Variants in EFNB2 observed in about 807,000 individuals in gnomAD.
The protein encoded by EFNB2 is ephrin B2, also known as ephrin-B2.
In EFNB2, 5 loss-of-function variants were observed where a neutral mutation model predicts 32.1. The observed-to-expected ratio is 0.16, with a 90% CI of 0.08 to 0.33. The LOEUF is 0.33. Among genes scored for constraint, EFNB2 ranks in the 10% least tolerant of loss-of-function variants. The pLI is 1.00. For missense variants in EFNB2, 263 were observed against 422.6 expected, an observed-to-expected ratio of 0.62 and a Z score of 3.31; for synonymous variants, 168 against 166.5, an observed-to-expected ratio of 1.01 and a Z score of -0.07.
At chr13:106,514,485 C>T in intron 1 of EFNB2, among the ~76,000 whole-genome samples, 1 of 152,174 alleles carries the variant, frequency 6.6e-6, no homozygotes, top group East Asian at 1.9e-4. Flanking sequence ...ATTTCTTTAT[C>T]TCCCCCAGCC....
chr13:106,509,790 G>T (rs929520903), intron 2 of EFNB2: 1 of 152,156 alleles, frequency 6.6e-6, no homozygotes, highest in Non-Finnish European at 1.5e-5. Flanking sequence ...TTTAACATTT[G>T]TTCTCTGCAT....
intron 1 of EFNB2, among the ~76,000 whole-genome samples, chr13:106,532,763 G>A (rs1879918833): frequency 6.7e-6 from 1 of 148,214 alleles, no homozygotes; most frequent in Non-Finnish European, 1.5e-5. Flanking sequence ...TTCCAGAAAC[G>A]CAGGGCCCTC....
At chr13:106,526,476 T>G (rs1248344840) in intron 1 of EFNB2, among the ~76,000 whole-genome samples, 1 of 152,118 alleles carries the variant, frequency 6.6e-6, no homozygotes, top group East Asian at 1.9e-4. Context: ...AGAAAAGACT[T>G]AAAGAGATCA....
At chr13:106,527,321 T>TTTA (rs1300459133) in intron 1 of EFNB2, among the ~76,000 whole-genome samples, 2 of 151,286 alleles carry the variant, frequency 1.3e-5, no homozygotes, top group Non-Finnish European at 2.9e-5. Context: ...ATAAATAAAT[T>TTTA]AAGTATGGCA....
chr13:106,496,236 C>A (rs1001910429), intron 2 of EFNB2, among the ~76,000 whole-genome samples: 7 of 152,126 alleles, frequency 4.6e-5, no homozygotes, highest in Admixed American at 3.3e-4. Context: ...ATCATCCCCC[C>A]ACACCTGCTT....
chr13:106,506,873 G>A (rs1878970078), intron 2 of EFNB2, among the ~76,000 whole-genome samples: 2 of 152,194 alleles, frequency 1.3e-5, no homozygotes, highest in African/African-American at 2.4e-5. Flanking sequence ...GAGGCAGACA[G>A]GGGTTAAGTT....
In EFNB2 at chr13:106,493,070, C is replaced by T; in HGVS notation, c.972G>A (p.Gln324=). Residue 324 remains glutamine (Q), a synonymous_variant, in exon 5 of 5, where the codon CAG becomes CAA. Coordinates refer to ENST00000646441, the MANE Select transcript of EFNB2 (RefSeq NM_004093.4). This position sits in a 1 kb window ranked among gnomAD's most constrained non-coding sequence, Gnocchi z 6.1. ...CCTTGTAGTAAATGTTCGCCGGGCT[C>T]TGCGGGGGCATCTCCTGGACGATGT... ...PVYIVQEMPP[Q]SPANIYYKV is the part of the protein sequence containing the mutation. 1 of 1,613,342 alleles carries T rather than the reference C, an allele frequency of 6.2e-7. No homozygotes were observed. The highest frequency in any genetic ancestry group is 8.5e-7 in the Non-Finnish European group (1 of 1,179,620).
At chr13:106,533,511 G>T (rs1439074117) in intron 1 of EFNB2, among the ~76,000 whole-genome samples, 2 of 152,214 alleles carry the variant, frequency 1.3e-5, no homozygotes, top group Non-Finnish European at 2.9e-5. Context: ...GTGCCTTCTA[G>T]CATCATACAA....
intron 2 of EFNB2, among the ~76,000 whole-genome samples, chr13:106,505,365 G>A (rs1878917077): frequency 6.6e-6 from 1 of 152,194 alleles, no homozygotes; most frequent in South Asian, 2.1e-4. Context: ...CCTGGACTGA[G>A]TTTTGTTTCT....
chr13:106,525,772 T>TAG (rs1317188634), intron 1 of EFNB2, among the ~76,000 whole-genome samples: 1 of 152,168 alleles, frequency 6.6e-6, no homozygotes, highest in East Asian at 1.9e-4. Context: ...CTACAGGACT[T>TAG]AGACTTTAAA....
intron 2 of EFNB2, among the ~76,000 whole-genome samples, chr13:106,501,931 T>C (rs1566456454): frequency 6.6e-6 from 1 of 152,154 alleles, no homozygotes; most frequent in Non-Finnish European, 1.5e-5. Context: ...CTTAGCAAAG[T>C]TAATTTAAAC....
At chr13:106,495,651 A>C in intron 3 of EFNB2, 97 bp downstream of exon 3, 2 of 1,169,976 alleles carry the variant, frequency 1.7e-6, no homozygotes, top group South Asian at 1.4e-5. Context: ...ACTAAAAAGA[A>C]GAGCGAATGA....
At chr13:106,509,629 G>C (rs759399030) in intron 2 of EFNB2, among the ~76,000 whole-genome samples, 30 of 13,028 alleles carry the variant, frequency 2.3e-3, no homozygotes, top group Middle Eastern at 0.022. Flanking sequence ...GAGCTTGACT[G>C]TGTGTGTGTG....
chr13:106,515,069 T>G (rs1879268465), intron 1 of EFNB2, among the ~76,000 whole-genome samples: 1 of 152,118 alleles, frequency 6.6e-6, no homozygotes, highest in South Asian at 2.1e-4. Context: ...TAACTAAAGA[T>G]TCACAGGAGG....
At position 106,493,378 on chromosome 13, in the gene EFNB2, C is replaced by T. The variant is rs750087469; in HGVS notation, c.664G>A (p.Gly222Ser). Reference sequence around the variant, plus strand: ...CCTGCAAATAAGGCCACTTCGGAACCGAGGATGTTGTTCCCCGAATGTCCG... The same window carrying T: ...CCTGCAAATAAGGCCACTTCGGAACTGAGGATGTTGTTCCCCGAATGTCCG... Reference protein sequence around the residue: ...SAGHSGNNILGSEVALFAGIA... With the variant: ...SAGHSGNNILSSEVALFAGIA... The change falls in exon 5 of 5, where the codon GGT becomes AGT. Residue 222 changes from glycine to serine, a missense_variant. By Grantham distance (56) the Gly-to-Ser change is moderately conservative. Coordinates refer to ENST00000646441, the MANE Select transcript of EFNB2 (RefSeq NM_004093.4). The surrounding 1 kb of genome is among the most constrained non-coding windows in gnomAD (Gnocchi z 6.1). The T allele has an allele frequency of 1.2e-5, 19 of 1,614,076 alleles. No individual in the cohort carries two copies. Among genetic ancestry groups the T allele is most frequent in the South Asian group, 7.7e-5 (7 of 91,078 alleles).
At chr13:106,523,035 A>C (rs1879578149) in intron 1 of EFNB2, among the ~76,000 whole-genome samples, 1 of 152,200 alleles carries the variant, frequency 6.6e-6, no homozygotes, top group South Asian at 2.1e-4. Flanking sequence ...GCTGTGTGCA[A>C]TTGCTTTACA....
At chr13:106,532,849 C>A (rs1879925779) in intron 1 of EFNB2, among the ~76,000 whole-genome samples, 2 of 150,742 alleles carry the variant, frequency 1.3e-5, no homozygotes, top group South Asian at 4.2e-4. Flanking sequence ...GAGTACCTGT[C>A]ACCTCCCCCC....
chr13:106,531,581 T>C (rs1229159101), intron 1 of EFNB2, among the ~76,000 whole-genome samples: 1 of 152,230 alleles, frequency 6.6e-6, no homozygotes, highest in Non-Finnish European at 1.5e-5. Context: ...CTGGCTTATA[T>C]ATGTTATTGA....
At chr13:106,526,999 C>T (rs1239780110) in intron 1 of EFNB2, among the ~76,000 whole-genome samples, 1 of 152,162 alleles carries the variant, frequency 6.6e-6, no homozygotes, top group Non-Finnish European at 1.5e-5. Context: ...CCCACTTAAA[C>T]ACACATCCAC....
Sources: allele counts gnomAD v4.1 joint callset (sites outside exome capture counted in the v4.1 genomes callset), GRCh38; gene constraint gnomAD v4.1.1; non-coding constraint Gnocchi (gnomAD v3.1); transcripts MANE v1.5; gene names NCBI Gene and HGNC (gene_info 2026-07-23, HGNC 2026-07-21).